Variants in NCKAP5 observed in about 807,000 individuals in gnomAD.
NCKAP5 encodes nck-associated protein 5.
Under a neutral mutation model 167.0 loss-of-function variants are expected in NCKAP5, and 92 were observed. That is an observed-to-expected ratio of 0.55 (90% confidence interval 0.47 to 0.66). The LOEUF (loss-of-function observed/expected upper bound fraction) is 0.66. Among genes scored for constraint, NCKAP5 ranks in the 30% least tolerant of loss-of-function variants. NCKAP5 has a pLI of 0.00. For synonymous variants in NCKAP5, 891 were observed against 877.4 expected (o/e 1.02, Z -0.27); for missense variants, 2,378 against 2,315.0 (o/e 1.03, Z -0.56).
At chr2:132,943,948 T>A (rs1697497357) in intron 8 of NCKAP5, among the ~76,000 whole-genome samples, 1 of 152,204 alleles carries the variant, frequency 6.6e-6, no homozygotes, top group Admixed American at 6.5e-5. Flanking sequence ...TTAAGAGTTG[T>A]GCAGCATGTG....
chr2:133,080,647 A>C (rs769391049), intron 6 of NCKAP5, among the ~76,000 whole-genome samples: 29 of 152,184 alleles, frequency 1.9e-4, no homozygotes, highest in Non-Finnish European at 1.8e-4. Flanking sequence ...AGCACTTCTT[A>C]AAAAATGAAA....
intron 19 of NCKAP5, among the ~76,000 whole-genome samples, chr2:132,705,416 A>G (rs1688270427): frequency 6.6e-6 from 1 of 152,064 alleles, no homozygotes; most frequent in Non-Finnish European, 1.5e-5. Flanking sequence ...TCATTCTACT[A>G]ATAAGTCTCC....
intron 3 of NCKAP5, among the ~76,000 whole-genome samples, chr2:133,394,064 A>T (rs180731531): frequency 6.6e-6 from 1 of 152,186 alleles, no homozygotes; most frequent in Non-Finnish European, 1.5e-5. Flanking sequence ...AATTAGACAG[A>T]CTCCTGCCTT....
intron 4 of NCKAP5, among the ~76,000 whole-genome samples, chr2:133,300,016 T>C (rs1254605888): frequency 6.9e-6 from 1 of 144,040 alleles, no homozygotes; most frequent in African/African-American, 2.7e-5. Flanking sequence ...GCAAATAAAC[T>C]AGAAAATCTA....
At chr2:133,246,258 G>GAA (rs112684321) in intron 4 of NCKAP5, among the ~76,000 whole-genome samples, 15,757 of 143,990 alleles carry the variant, frequency 0.11, 929 homozygotes, top group South Asian at 0.15. Flanking sequence ...TATTCTAATG[G>GAA]AAAAAAAAAA....
At chr2:133,583,289 T>C in the NCKAP5 span, among the ~76,000 whole-genome samples, 1 of 152,072 alleles carries the variant, frequency 6.6e-6, no homozygotes, top group Non-Finnish European at 1.5e-5. Context: ...ACTTAGCAAC[T>C]CCCATCCCTT....
chr2:133,093,887 G>C (rs1157796225), intron 6 of NCKAP5, among the ~76,000 whole-genome samples: 1 of 152,216 alleles, frequency 6.6e-6, no homozygotes, highest in Non-Finnish European at 1.5e-5. Context: ...ATGCCTCACT[G>C]TACTGCCCAA....
At position 132,783,981 on chromosome 2, in the gene NCKAP5, T is replaced by TGGGCCTGGCCAGCAGGGAGAC. The variant is rs1574199553; in HGVS notation, c.2809_2829dup (p.Val937_Pro943dup). 3.1e-6 allele frequency: 5 copies of TGGGCCTGGCCAGCAGGGAGAC among 1,596,116 alleles called. No homozygotes were observed. In the East Asian group the frequency reaches 1.1e-4, roughly 36 times the overall value. ...GAAGGTGCTGGTGAATAGTCATAGC[T>TGGGCCTGGCCAGCAGGGAGAC]GGGCCTGGCCAGCAGGGAGACGGAC... is the stretch of plus-strand genomic sequence containing the variant. On this transcript the variant is annotated inframe_insertion, in exon 14 of 20. Coordinates refer to ENST00000409261, the MANE Select transcript of NCKAP5 (RefSeq NM_207363.3).
At chr2:133,188,550 C>T (rs568001050) in intron 5 of NCKAP5, among the ~76,000 whole-genome samples, 2 of 152,212 alleles carry the variant, frequency 1.3e-5, no homozygotes, top group Non-Finnish European at 1.5e-5. Context: ...GACTCCTCAA[C>T]AAATGTAACA....
chr2:133,003,858 T>A (rs894103695), intron 6 of NCKAP5, among the ~76,000 whole-genome samples: 11 of 152,178 alleles, frequency 7.2e-5, no homozygotes, highest in Non-Finnish European at 1.5e-4. Context: ...GCCATCTCTA[T>A]GTGAAGAGAA....
At chr2:133,039,341 T>C (rs1456971906) in intron 6 of NCKAP5, among the ~76,000 whole-genome samples, 1 of 152,182 alleles carries the variant, frequency 6.6e-6, no homozygotes, top group Non-Finnish European at 1.5e-5. Context: ...TGATGATATA[T>C]TGTAGAACAA....
the NCKAP5 span, among the ~76,000 whole-genome samples, chr2:133,600,112 T>C: frequency 6.6e-5 from 10 of 152,308 alleles, no homozygotes; most frequent in East Asian, 7.7e-4. Context: ...CGGGACTCCA[T>C]TCGAGGATGT....
intron 3 of NCKAP5, among the ~76,000 whole-genome samples, chr2:133,308,464 G>A (rs1421767121): frequency 6.6e-6 from 1 of 151,992 alleles, no homozygotes; most frequent in African/African-American, 2.4e-5. Flanking sequence ...TACAACTGGG[G>A]AAAGCAATTT....
intron 3 of NCKAP5, among the ~76,000 whole-genome samples, chr2:133,308,378 G>A (rs563945502): frequency 3.9e-5 from 6 of 152,028 alleles, no homozygotes; most frequent in East Asian, 1.9e-4. Context: ...GTGAGCCACC[G>A]CGCCCGGCTA....
intron 19 of NCKAP5, among the ~76,000 whole-genome samples, chr2:132,723,846 A>G (rs1212018440): frequency 6.6e-6 from 1 of 152,184 alleles, no homozygotes; most frequent in Non-Finnish European, 1.5e-5. Flanking sequence ...TTTTCTCAAT[A>G]CAGCAGCCAG....
the NCKAP5 span, among the ~76,000 whole-genome samples, chr2:133,593,379 A>C: frequency 6.6e-6 from 1 of 152,186 alleles, no homozygotes. Context: ...AATTAAAAAA[A>C]AAAAGCCAGC....
intron 4 of NCKAP5, among the ~76,000 whole-genome samples, chr2:133,232,778 A>G (rs933916393): frequency 6.6e-6 from 1 of 152,190 alleles, no homozygotes; most frequent in Non-Finnish European, 1.5e-5. Flanking sequence ...GCACAAGCCT[A>G]TTGTCTTATT....
At chr2:133,427,098 T>C (rs1178938583) in intron 3 of NCKAP5, among the ~76,000 whole-genome samples, 1 of 152,032 alleles carries the variant, frequency 6.6e-6, no homozygotes, top group Admixed American at 6.6e-5. Flanking sequence ...AGGCACAACA[T>C]CAAAACACAA....
chr2:133,261,372 T>G (rs1559328963), intron 4 of NCKAP5, among the ~76,000 whole-genome samples: 1 of 152,204 alleles, frequency 6.6e-6, no homozygotes, highest in African/African-American at 2.4e-5. Flanking sequence ...GCTATAACAC[T>G]TAAGTTTACC....
Sources: allele counts gnomAD v4.1 joint callset (sites outside exome capture counted in the v4.1 genomes callset), GRCh38; gene constraint gnomAD v4.1.1; transcripts MANE v1.5; gene names NCBI Gene and HGNC (gene_info 2026-07-23, HGNC 2026-07-21).